The following MICAL3 variants were observed in gnomAD, a reference collection of about 807,000 sequenced individuals.
The protein encoded by MICAL3 is [F-actin]-monooxygenase MICAL3.
A neutral mutation model predicts 207.4 loss-of-function variants in MICAL3; 62 were observed. The ratio of observed to expected loss-of-function variants is 0.30; its 90% CI spans 0.24 to 0.37. The LOEUF is 0.37. Ranked by LOEUF, MICAL3 falls within the 10% of genes least tolerant of loss-of-function variation. The probability of loss-of-function intolerance (pLI) is 1.00; values close to 1 mark genes in which losing one functional copy is unlikely to be tolerated. For synonymous variants in MICAL3, 1,077 were observed against 1,069.3 expected (o/e 1.01, Z -0.14); for missense variants, 2,368 against 2,635.6 (o/e 0.90, Z 2.22).
chr22:17,894,458 C>T (rs1164558142), intron 10 of MICAL3, among the ~76,000 whole-genome samples: 1 of 151,098 alleles, frequency 6.6e-6, no homozygotes, highest in Admixed American at 6.6e-5. Context: ...ATGGAGGTCC[C>T]TCTAAGAGTC....
intron 29 of MICAL3, among the ~76,000 whole-genome samples, chr22:17,802,078 T>A (rs1318752835): frequency 6.7e-6 from 1 of 149,764 alleles, no homozygotes; most frequent in Non-Finnish European, 1.5e-5. Context: ...TTTTTTTTTT[T>A]AAGAGACAGG....
chr22:17,862,597 T>C (rs1602080881), intron 19 of MICAL3: 1 of 985,286 alleles, frequency 1.0e-6, no homozygotes. Flanking sequence ...AAAGGAAGTC[T>C]AGTTAAGTCC....
In MICAL3 at chr22:17,895,434, C is replaced by T. The variant is rs771039493; in HGVS notation, c.1323-24G>A. ...CCCTGCAATAACACAACAATATACT[C>T]AGAATCGGGACCAGCACCATGAACA... On this transcript the variant is annotated intron_variant, in intron 9 of 31. Transcript: ENST00000441493. 1.7e-5 allele frequency: 27 copies of T among 1,612,312 alleles called. No individual in the cohort carries two copies. The East Asian group carries it at 5.4e-4, about 32-fold the overall frequency.
chr22:17,833,323 GC>G, intron 20 of MICAL3, among the ~76,000 whole-genome samples: 1 of 152,348 alleles, frequency 6.6e-6, no homozygotes, highest in East Asian at 1.9e-4. Flanking sequence ...GCAGTGAGAG[GC>G]CGGGGGAAAT....
At chr22:17,823,137 G>A (rs1003632752) in intron 22 of MICAL3, 77 bp from the exon 23 acceptor site, 13 of 983,800 alleles carry the variant, frequency 1.3e-5, no homozygotes, top group Middle Eastern at 2.1e-4. Context: ...GGGGCGAGAG[G>A]TACTGCCTTT....
At chr22:17,799,185 C>A (rs2145962868) in intron 29 of MICAL3, among the ~76,000 whole-genome samples, 1 of 152,240 alleles carries the variant, frequency 6.6e-6, no homozygotes, top group Non-Finnish European at 1.5e-5. Flanking sequence ...GAGTTCAAGA[C>A]CAGGCTGGCC....
chr22:17,811,703 T>C (rs1367663172), intron 27 of MICAL3, among the ~76,000 whole-genome samples: 2 of 152,226 alleles, frequency 1.3e-5, no homozygotes, highest in East Asian at 1.9e-4. Context: ...CCTTTATTCA[T>C]AAGACCCTCT....
intron 1 of MICAL3, among the ~76,000 whole-genome samples, chr22:17,995,908 C>A (rs402200): frequency 0.23 from 35,087 of 151,724 alleles, 4,697 homozygotes; most frequent in East Asian, 0.52. Context: ...CACCTGTAAT[C>A]CCAGCACTTT....
At chr22:17,989,722 C>A (rs1339244768) in intron 1 of MICAL3, among the ~76,000 whole-genome samples, 1 of 152,200 alleles carries the variant, frequency 6.6e-6, no homozygotes, top group Non-Finnish European at 1.5e-5. Context: ...GTGCCAAGTG[C>A]CCTTGCACAA....
At chr22:17,913,795 A>C in intron 1 of MICAL3, among the ~76,000 whole-genome samples, 1 of 152,218 alleles carries the variant, frequency 6.6e-6, no homozygotes, top group East Asian at 1.9e-4. Context: ...GAAGTAAGTC[A>C]GAAGTGACCT....
intron 1 of MICAL3, among the ~76,000 whole-genome samples, chr22:18,010,936 G>T (rs138154495): frequency 6.6e-6 from 1 of 152,248 alleles, no homozygotes; most frequent in South Asian, 2.1e-4. Context: ...TAAAATAGCA[G>T]CCCTTCCCTG....
rs186118243 is a variant in MICAL3, at chr22:18,016,796, C to T, written c.-75+7485G>A. Reference sequence around the variant, plus strand: ...TCTACTAAAAATACAAAAACTTAGCCGGGGGTGGTGGTGGGCGCCTGTAGA... The same window carrying T: ...TCTACTAAAAATACAAAAACTTAGCTGGGGGTGGTGGTGGGCGCCTGTAGA... On this transcript the variant is annotated intron_variant, in intron 1 of 31. Coordinates refer to ENST00000441493, the MANE Select transcript of MICAL3 (RefSeq NM_015241.3). 1.6e-4 allele frequency among the ~76,000 whole-genome samples: 25 copies of T among 151,946 alleles called. No homozygotes were observed. The East Asian group carries it at 4.6e-3, about 28-fold the overall frequency.
At chr22:17,823,228 T>G (rs1357044215) in intron 22 of MICAL3, among the ~76,000 whole-genome samples, 168 bp from the exon 23 acceptor site, 2 of 151,768 alleles carry the variant, frequency 1.3e-5, no homozygotes, top group Non-Finnish European at 2.9e-5. Context: ...GCATGGGTGC[T>G]GGGGGGGGCC....
At chr22:17,897,929 A>C (rs1930988226) in intron 7 of MICAL3, among the ~76,000 whole-genome samples, 1 of 152,208 alleles carries the variant, frequency 6.6e-6, no homozygotes, top group Non-Finnish European at 1.5e-5. Context: ...TTATTCTCTG[A>C]AAGTGGGGCC....
intron 1 of MICAL3, among the ~76,000 whole-genome samples, chr22:17,981,496 A>C (rs1038445803): frequency 1.3e-5 from 2 of 149,034 alleles, no homozygotes; most frequent in African/African-American, 4.9e-5. Flanking sequence ...CAAAATACTA[A>C]GTTTAAACTG....
Position 17,925,015 on chromosome 22 carries a change from G to C in MICAL3, c.-74-18129C>G, listed in dbSNP as rs1352323442. On this transcript the variant is annotated intron_variant, in intron 1 of 31. Coordinates refer to ENST00000441493, the MANE Select transcript of MICAL3 (RefSeq NM_015241.3). Reference sequence around the variant, plus strand: ...CAATGAAATTGACCAAATAGCAACGGGGGGAAAGAGTCCTGGGATCCGAAT... The same window carrying C: ...CAATGAAATTGACCAAATAGCAACGCGGGGAAAGAGTCCTGGGATCCGAAT... Among the ~76,000 whole-genome samples the C allele has an allele frequency of 4.6e-5, 7 of 152,156 alleles. No homozygotes were observed. In the East Asian group the frequency reaches 1.2e-3, roughly 25 times the overall value.
At chr22:17,978,173 T>C (rs1569154878) in intron 1 of MICAL3, among the ~76,000 whole-genome samples, 1 of 151,724 alleles carries the variant, frequency 6.6e-6, no homozygotes, top group Non-Finnish European at 1.5e-5. Context: ...ATAAAGAAAA[T>C]GTGGTGCATA....
rs745407226 is a variant in MICAL3, at chr22:17,822,154, G to A, written c.3324C>T (p.Asp1108=). 7 of 1,613,606 alleles carry A rather than the reference G, an allele frequency of 4.3e-6. No homozygotes were observed. The highest frequency in any genetic ancestry group is 5.9e-6 in the Non-Finnish European group (7 of 1,179,890). ...GCTCTCTGTCAGCATCCGACGGGCT[G>A]TCAGACCAGTGCTGATCTGGCAGAG... ...AELDDDQHWS[D]SPSDADRELR... is the part of the protein sequence containing the mutation. The change falls in exon 24 of 32, where the codon GAC becomes GAT. Residue 1108 remains aspartate, a synonymous_variant. Transcript: ENST00000441493.
At chr22:17,897,088 C>G (rs1037687381) in intron 7 of MICAL3, 107 bp from the exon 8 acceptor site, 2 of 1,341,342 alleles carry the variant, frequency 1.5e-6, no homozygotes, top group Non-Finnish European at 2.0e-6. Flanking sequence ...TAAAGTGACT[C>G]CACGTTCCAA....
Sources: allele counts gnomAD v4.1 joint callset (sites outside exome capture counted in the v4.1 genomes callset), GRCh38; gene constraint gnomAD v4.1.1; transcripts MANE v1.5; gene names NCBI Gene and HGNC (gene_info 2026-07-23, HGNC 2026-07-21).